Variants in CCSER2 observed in about 807,000 individuals in gnomAD.
CCSER2 encodes the protein serine-rich coiled-coil domain-containing protein 2.
CCSER2 carries 46 observed loss-of-function variants against 92.3 expected under a neutral mutation model. That is an observed-to-expected ratio of 0.50 (90% CI 0.39 to 0.64). The LOEUF (loss-of-function observed/expected upper bound fraction) is 0.64, where lower values mean the gene tolerates loss of function less well. Among genes scored for constraint, CCSER2 ranks in the 30% least tolerant of loss-of-function variants. CCSER2 has a pLI of 0.00. For missense variants in CCSER2, 1,244 were observed against 1,238.9 expected (o/e 1.00, Z -0.06); for synonymous variants, 433 against 431.4 (o/e 1.00, Z -0.04).
chr10:84,444,541 AT>A (rs958275653), intron 6 of CCSER2, among the ~76,000 whole-genome samples: 3 of 151,510 alleles, frequency 2.0e-5, no homozygotes, highest in African/African-American at 4.8e-5. Flanking sequence ...TACAACCAGG[AT>A]TTTTTTTTAA....
intron 6 of CCSER2, among the ~76,000 whole-genome samples, chr10:84,439,194 TTTTC>T (rs1428531958): frequency 2.3e-5 from 1 of 42,928 alleles, no homozygotes; most frequent in South Asian, 7.6e-4. Context: ...TTTTTTTTTC[TTTTC>T]TTTTTTTTTT....
At chr10:84,384,929 T>C (rs538525941) in intron 3 of CCSER2, among the ~76,000 whole-genome samples, 2 of 152,062 alleles carry the variant, frequency 1.3e-5, no homozygotes, top group African/African-American at 4.8e-5. Flanking sequence ...AAAATTAATA[T>C]ACAAAAATTG....
chr10:84,450,391 T>C (rs1277732770), intron 6 of CCSER2, among the ~76,000 whole-genome samples: 1 of 152,216 alleles, frequency 6.6e-6, no homozygotes, highest in East Asian at 1.9e-4. Flanking sequence ...GAGAAATATA[T>C]GTATATCTCC....
intron 3 of CCSER2, chr10:84,392,148 AG>A: frequency 1.7e-6 from 1 of 589,796 alleles, no homozygotes; most frequent in Non-Finnish European, 3.1e-6. Flanking sequence ...TACGGGGGGA[AG>A]GGTAAACCGG....
At chr10:84,502,406 C>G (rs1035733768) in intron 9 of CCSER2, among the ~76,000 whole-genome samples, 13 of 131,180 alleles carry the variant, frequency 9.9e-5, no homozygotes, top group African/African-American at 3.6e-4. Flanking sequence ...GAGTCTTGCT[C>G]TGTTGCCCAG....
chr10:84,465,278 T>A (rs1186512821), intron 7 of CCSER2, among the ~76,000 whole-genome samples: 4 of 88,846 alleles, frequency 4.5e-5, no homozygotes, highest in Admixed American at 2.8e-4. Flanking sequence ...TGTGTGTGTG[T>A]GTGTGTGTGT....
chr10:84,483,667 G>A (rs965088243), intron 9 of CCSER2, among the ~76,000 whole-genome samples: 4 of 151,566 alleles, frequency 2.6e-5, no homozygotes, highest in African/African-American at 9.7e-5. Context: ...GCAGGCAAAC[G>A]ATTTATCTTA....
At chr10:84,344,896 T>A (rs1844395955) in intron 1 of CCSER2, among the ~76,000 whole-genome samples, 1 of 152,168 alleles carries the variant, frequency 6.6e-6, no homozygotes, top group African/African-American at 2.4e-5. Flanking sequence ...TCCCTAAGTT[T>A]CAATTTCCTT....
chr10:84,335,446 G>C (rs775596416), intron 1 of CCSER2, among the ~76,000 whole-genome samples: 1 of 151,774 alleles, frequency 6.6e-6, no homozygotes, highest in Non-Finnish European at 1.5e-5. Flanking sequence ...GTCTCCCCAT[G>C]TTACCCAGGC....
rs962126391 is a variant in CCSER2, at chr10:84,502,962, C to T, written c.2326-10487C>T. Among the ~76,000 whole-genome samples, 6 of 152,096 alleles carry T rather than the reference C, an allele frequency of 3.9e-5. No homozygotes were observed. The South Asian group carries it at 6.2e-4, about 16-fold the overall frequency. ...AAAATAGGCGAGGCGCGGTGGCTCA[C>T]GCCTGTAATCCCAGCACTTTGTGGG... On this transcript the variant is annotated intron_variant, in intron 9 of 9. Coordinates refer to ENST00000372088, the MANE Select transcript of CCSER2 (RefSeq NM_001284240.2).
At chr10:84,397,147 A>G (rs1370892362) in intron 3 of CCSER2, among the ~76,000 whole-genome samples, 2 of 152,198 alleles carry the variant, frequency 1.3e-5, no homozygotes, top group Non-Finnish European at 2.9e-5. Flanking sequence ...TTCCTAGAAC[A>G]TTCCAGTGAC....
At chr10:84,437,624 T>C (rs1463827311) in intron 5 of CCSER2, among the ~76,000 whole-genome samples, 1 of 152,110 alleles carries the variant, frequency 6.6e-6, no homozygotes, top group Admixed American at 6.5e-5. Flanking sequence ...TTTACTCCCA[T>C]GAAACACATT....
chr10:84,436,572 T>C (rs536134125), intron 5 of CCSER2, among the ~76,000 whole-genome samples: 9 of 148,808 alleles, frequency 6.0e-5, no homozygotes, highest in African/African-American at 1.7e-4. Flanking sequence ...GAGGCGGAGC[T>C]TGCAGTGAGC....
chr10:84,355,682 A>G (rs1379540181), intron 1 of CCSER2, among the ~76,000 whole-genome samples: 1 of 152,252 alleles, frequency 6.6e-6, no homozygotes, highest in Non-Finnish European at 1.5e-5. Context: ...TAATAACTAA[A>G]TGAATGTATT....
intron 6 of CCSER2, among the ~76,000 whole-genome samples, chr10:84,448,147 A>G (rs1422706305): frequency 1.3e-5 from 2 of 152,006 alleles, no homozygotes; most frequent in Non-Finnish European, 2.9e-5. Flanking sequence ...ACATCAGTTG[A>G]GTCTACGCAT....
At chr10:84,404,785 A>G (rs915643227) in intron 3 of CCSER2, among the ~76,000 whole-genome samples, 4 of 152,348 alleles carry the variant, frequency 2.6e-5, no homozygotes, top group Admixed American at 2.6e-4. Flanking sequence ...ACTTGAGTAA[A>G]TATAACAATG....
chr10:84,485,481 C>CT (rs1847750838), intron 9 of CCSER2, among the ~76,000 whole-genome samples: 1 of 152,064 alleles, frequency 6.6e-6, no homozygotes, highest in Non-Finnish European at 1.5e-5. Context: ...CAGTGTTGAA[C>CT]TTTGGAGCTT....
chr10:84,417,783 A>G lies in CCSER2; in HGVS notation c.1627A>G (p.Asn543Asp). 1.9e-6 allele frequency: 3 copies of G among 1,550,100 alleles called. No individual in the cohort carries two copies. Among genetic ancestry groups the G allele is most frequent in the Non-Finnish European group, 2.7e-6 (3 of 1,121,864 alleles). Residue 543 changes from asparagine (N) to aspartate (D), a missense_variant, in exon 4 of 10, where the codon AAT (asparagine) becomes GAT (aspartate). Coordinates refer to ENST00000372088, the MANE Select transcript of CCSER2 (RefSeq NM_001284240.2). The part of the protein sequence containing the change: ...SEMNSIDILN[N>D]LESCDLEDDD... ...CTTTTGTTCACAGGATATTTTGAAT[A>G]ATCTTGAATCATGTGACCTTGAGGA...
chr10:84,425,489 G>C (rs2133430942), intron 4 of CCSER2, among the ~76,000 whole-genome samples: 1 of 152,190 alleles, frequency 6.6e-6, no homozygotes, highest in African/African-American at 2.4e-5. Context: ...GCAGTTAATT[G>C]TTTACATGAC....
Sources: gnomAD v4.1 joint callset for allele counts (sites outside exome capture counted in the v4.1 genomes callset) on GRCh38, gnomAD v4.1.1 for gene constraint, MANE v1.5 for transcripts, NCBI Gene and HGNC (gene_info 2026-07-23, HGNC 2026-07-21) for gene names.